The following CIB2 variants were observed in gnomAD, a reference collection of about 807,000 sequenced individuals.
The protein encoded by CIB2 is calcium and integrin-binding family member 2.
Under a neutral mutation model 23.1 loss-of-function variants are expected in CIB2, and 19 were observed. The ratio of observed to expected loss-of-function variants is 0.82; its 90% CI spans 0.57 to 1.21. The LOEUF (loss-of-function observed/expected upper bound fraction) is 1.21. Ranked by LOEUF, CIB2 falls within the 50% of genes most tolerant of loss-of-function variation. The pLI, the probability that CIB2 is intolerant of heterozygous loss-of-function variation, is 0.00. For missense variants in CIB2, 220 were observed against 241.5 expected, an observed-to-expected ratio of 0.91 and a Z score of 0.59; for synonymous variants, 94 against 91.7, an observed-to-expected ratio of 1.03 and a Z score of -0.14.
chr15:78,122,342 T>A (rs1054167938), intron 2 of CIB2, among the ~76,000 whole-genome samples: 3 of 152,076 alleles, frequency 2.0e-5, no homozygotes, highest in Non-Finnish European at 4.4e-5. Flanking sequence ...GTTGCCAGAA[T>A]GAAAATGGCC....
intron 2 of CIB2, among the ~76,000 whole-genome samples, chr15:78,115,077 A>ACCATT (rs1465631527): frequency 6.6e-6 from 1 of 152,222 alleles, no homozygotes. Flanking sequence ...GACCAATTTG[A>ACCATT]TAGATGCATT....
intron 2 of CIB2, among the ~76,000 whole-genome samples, chr15:78,112,098 A>T (rs116307211): frequency 0.01 from 1,547 of 152,190 alleles, 31 homozygotes; most frequent in African/African-American, 0.036. Flanking sequence ...CACCTCAACA[A>T]GCTGCATGGA....
chr15:78,110,233 C>T (rs1168670023), intron 3 of CIB2, among the ~76,000 whole-genome samples: 2 of 152,268 alleles, frequency 1.3e-5, no homozygotes, highest in Admixed American at 6.5e-5. Context: ...ACTGAGCTAG[C>T]GCTTGGCTAG....
chr15:78,106,320 C>A (rs982784760), intron 4 of CIB2, among the ~76,000 whole-genome samples: 1 of 152,168 alleles, frequency 6.6e-6, no homozygotes, highest in Admixed American at 6.5e-5. Context: ...AAAGGCCATG[C>A]GATTGAATCA....
intron 1 of CIB2, among the ~76,000 whole-genome samples, chr15:78,127,465 A>G (rs1356695240): frequency 6.6e-6 from 1 of 152,086 alleles, no homozygotes; most frequent in East Asian, 1.9e-4. Flanking sequence ...GCAGCAGAAA[A>G]CAGGACAGGC....
intron 2 of CIB2, chr15:78,120,843 T>A: frequency 1.9e-6 from 1 of 537,884 alleles, no homozygotes; most frequent in Non-Finnish European, 2.4e-6. Context: ...ACCATCCTGG[T>A]GGGGGTGGGG....
chr15:78,109,360 A>C lies in CIB2; in HGVS notation c.221T>G (p.Ile74Ser). 1.2e-6 allele frequency: 2 copies of C among 1,613,806 alleles called. No individual in the cohort carries two copies. Among genetic ancestry groups the C allele is most frequent in the Non-Finnish European group, 1.7e-6 (2 of 1,179,968 alleles). The change falls in exon 4 of 6, where the codon ATC (isoleucine) becomes AGC (serine). Residue 74 changes from isoleucine (I) to serine (S), a missense_variant. Ile to Ser is a moderately radical substitution (Grantham distance 142). Coordinates refer to ENST00000258930, the MANE Select transcript of CIB2 (RefSeq NM_006383.4). ...ELRENPFKER[I>S]VAAFSEDGEG... ...ACCATCCTCGGAAAACGCCGCCACG[A>C]TCCTTTCTTTGAAGGGATTCTCCTG...
intron 4 of CIB2, 45 bp from the exon 5 acceptor site, chr15:78,105,979 C>T: frequency 6.6e-7 from 1 of 1,509,876 alleles, no homozygotes; most frequent in Middle Eastern, 1.7e-4. Flanking sequence ...GCTGCGTGCA[C>T]CCAGGGACCC....
chr15:78,130,091 T>C (rs975921200), intron 1 of CIB2, among the ~76,000 whole-genome samples: 1 of 152,188 alleles, frequency 6.6e-6, no homozygotes, highest in African/African-American at 2.4e-5. Flanking sequence ...ACAGCCAAAG[T>C]AAGCACTGAT....
At chr15:78,106,395 C>T (rs184907025) in intron 4 of CIB2, among the ~76,000 whole-genome samples, 1 of 152,286 alleles carries the variant, frequency 6.6e-6, no homozygotes, top group East Asian at 1.9e-4. Flanking sequence ...CTCTAAGACC[C>T]ATGTTTTCTA....
chr15:78,105,202 G>C lies in CIB2; in HGVS notation c.*109C>G. 2 of 1,447,758 alleles carry C rather than the reference G, an allele frequency of 1.4e-6. No homozygotes were observed. The highest frequency in any genetic ancestry group is 9.6e-7 in the Non-Finnish European group (1 of 1,045,536). 89.7% of individuals were successfully genotyped at this position (1,447,758 alleles called of 1,614,324 possible). A position where few individuals can be genotyped will look rare whatever the true frequency, so the allele number is the denominator to read the frequency against. Reference sequence around the variant, plus strand: ...AAGGGCCACAGGATATATTTGTGGTGTAAACCCCAGAGGCTGCCACTGCTT... The same window carrying C: ...AAGGGCCACAGGATATATTTGTGGTCTAAACCCCAGAGGCTGCCACTGCTT... On this transcript the variant is annotated 3_prime_UTR_variant, in exon 6 of 6. Coordinates refer to ENST00000258930, the MANE Select transcript of CIB2 (RefSeq NM_006383.4).
At chr15:78,123,929 C>G (rs1423637456) in intron 1 of CIB2, among the ~76,000 whole-genome samples, 190 bp from the exon 2 acceptor site, 2 of 152,194 alleles carry the variant, frequency 1.3e-5, no homozygotes, top group East Asian at 3.8e-4. Context: ...AAATGCCTCC[C>G]AAAACCTTTA....
chr15:78,107,824 C>T (rs1370174152), intron 4 of CIB2, among the ~76,000 whole-genome samples: 4 of 152,168 alleles, frequency 2.6e-5, no homozygotes, highest in South Asian at 2.1e-4. Flanking sequence ...GCAAGCAAAA[C>T]GTGGGTGCAC....
At chr15:78,105,699 G>T in intron 5 of CIB2, 40 bp downstream of exon 5, 1 of 1,612,792 alleles carries the variant, frequency 6.2e-7, no homozygotes. Context: ...GGCCTGCCCT[G>T]CTCTGCCCTG....
At chr15:78,128,066 A>G (rs920753329) in intron 1 of CIB2, among the ~76,000 whole-genome samples, 3 of 152,260 alleles carry the variant, frequency 2.0e-5, no homozygotes, top group African/African-American at 7.2e-5. Flanking sequence ...GTGCCTGGAC[A>G]GAGGCCATAC....
intron 3 of CIB2, 162 bp from the exon 4 acceptor site, chr15:78,109,544 T>C (rs2074124415): frequency 1.3e-6 from 1 of 761,984 alleles, no homozygotes; most frequent in Non-Finnish European, 2.2e-6. Flanking sequence ...ACCTTCTTAA[T>C]TGGGTTGTGA....
chr15:78,113,732 G>A (rs529398518), intron 2 of CIB2, among the ~76,000 whole-genome samples: 2 of 152,148 alleles, frequency 1.3e-5, no homozygotes, highest in South Asian at 2.1e-4. Flanking sequence ...GGGTTTCACC[G>A]TGTTAGCCAG....
intron 1 of CIB2, 112 bp from the exon 2 acceptor site, chr15:78,123,851 A>G: frequency 8.3e-7 from 1 of 1,210,268 alleles, no homozygotes; most frequent in Non-Finnish European, 1.2e-6. Flanking sequence ...TGGGGACAGA[A>G]GAGTCACTAC....
Position 78,114,717 on chromosome 15 carries a change from T to C in CIB2, c.87-3441A>G, listed in dbSNP as rs529531069. Among the ~76,000 whole-genome samples the C allele has an allele frequency of 5.9e-5, 9 of 151,698 alleles. No individual in the cohort carries two copies. In the East Asian group the frequency reaches 9.7e-4, roughly 16 times the overall value. Reference sequence around the variant, plus strand: ...GCTTTGGGAGGCCAAAGTGAGAGAATTGCATGAGGCCAGGAGCTTGAGACC... The same window carrying C: ...GCTTTGGGAGGCCAAAGTGAGAGAACTGCATGAGGCCAGGAGCTTGAGACC... On this transcript the variant is annotated intron_variant, in intron 2 of 5. Transcript: ENST00000258930.
Sources: allele counts gnomAD v4.1 joint callset (sites outside exome capture counted in the v4.1 genomes callset), GRCh38; gene constraint gnomAD v4.1.1; transcripts MANE v1.5; gene names NCBI Gene and HGNC (gene_info 2026-07-23, HGNC 2026-07-21).